The following SLC6A3 variants were observed in gnomAD, a reference collection of about 807,000 sequenced individuals.
SLC6A3 encodes the protein solute carrier family 6 member 3, also known as sodium-dependent dopamine transporter.
A neutral mutation model predicts 70.4 loss-of-function variants in SLC6A3; 19 were observed. The observed-to-expected ratio is 0.27, with a 90% CI of 0.19 to 0.40. The LOEUF is 0.40. SLC6A3 is among the 10% of genes least tolerant of loss of function. The pLI, the probability that SLC6A3 is intolerant of heterozygous loss-of-function variation, is 1.00. For missense variants in SLC6A3, 613 were observed against 838.5 expected (o/e 0.73, Z 3.32); for synonymous variants, 368 against 356.6 (o/e 1.03, Z -0.36).
At position 1,406,459 on chromosome 5, in the gene SLC6A3, C is replaced by T. The variant is rs1392026264; in HGVS notation, c.1499-171G>A. ...AGGCCACACCCCAGCCCACTGGGTG[C>T]CTCGCTGACGGGTGGGAGCCCACGT... On this transcript the variant is annotated intron_variant, in intron 11 of 14. Coordinates refer to ENST00000270349, the MANE Select transcript of SLC6A3 (RefSeq NM_001044.5). The surrounding 1 kb of genome is among the most constrained non-coding windows in gnomAD (Gnocchi z 8.8). Among the ~76,000 whole-genome samples, 2 of 152,178 alleles carry T rather than the reference C, an allele frequency of 1.3e-5. No individual in the cohort carries two copies. Among genetic ancestry groups the T allele is most frequent in the African/African-American group, 2.4e-5 (1 of 41,438 alleles).
chr5:1,407,505 G>A (rs369463795), intron 11 of SLC6A3, among the ~76,000 whole-genome samples: 39 of 152,360 alleles, frequency 2.6e-4, no homozygotes, highest in African/African-American at 8.7e-4. Flanking sequence ...CGTGCTGGAA[G>A]CCCGGCGTAT....
rs776273625 is a variant in SLC6A3, at chr5:1,409,709, G to A, written c.1398+12C>T. 23 of 1,612,880 alleles carry A rather than the reference G, an allele frequency of 1.4e-5. No homozygotes were observed. Among genetic ancestry groups the A allele is most frequent in the African/African-American group, 5.3e-5 (4 of 74,944 alleles). ...ATGACCAGGAGAAGGCGAAGCCGGC[G>A]ATGGTACGTACGTTGGTGACGCAGA... On this transcript the variant is annotated intron_variant, in intron 10 of 14. Coordinates refer to ENST00000270349, the MANE Select transcript of SLC6A3 (RefSeq NM_001044.5).
chr5:1,442,662 C>T lies in SLC6A3; in HGVS notation c.286+250G>A, dbSNP rs1579729025. Among the ~76,000 whole-genome samples the T allele has an allele frequency of 6.6e-6, 1 of 152,204 alleles. No individual in the cohort carries two copies. The highest frequency in any genetic ancestry group is 2.1e-4 in the South Asian group (1 of 4,834). On this transcript the variant is annotated intron_variant, in intron 2 of 14. Transcript: ENST00000270349. The surrounding 1 kb of genome is among the most constrained non-coding windows in gnomAD (Gnocchi z 5.0). ...GCTGCCCCGTCTGCCGCCCCCCACC[C>T]CCCAGCTTCTTCGCGGGCCTCCCTT... is the stretch of plus-strand genomic sequence containing the variant.
rs543086652 is a variant in SLC6A3, at chr5:1,443,365, G to C, written c.-45-123C>G. 3.8e-6 allele frequency: 3 copies of C among 785,574 alleles called. No homozygotes were observed. In the South Asian group the frequency reaches 4.5e-5, roughly 12 times the overall value. The allele number at this position is 785,574 out of a possible 1,614,324, so 48.7% of individuals were successfully genotyped here. A position where few individuals can be genotyped will look rare whatever the true frequency, so the allele number is the denominator to read the frequency against. On this transcript the variant is annotated intron_variant, in intron 1 of 14. Transcript: ENST00000270349. Reference sequence around the variant, plus strand: ...ATTCACGGGCATTCCTCTGGGAAGGGATGGGTGCGTTCTCAGCGCCTGAGA... The same window carrying C: ...ATTCACGGGCATTCCTCTGGGAAGGCATGGGTGCGTTCTCAGCGCCTGAGA...
chr5:1,445,004 G>T (rs1262467623), intron 1 of SLC6A3, among the ~76,000 whole-genome samples: 2 of 152,178 alleles, frequency 1.3e-5, no homozygotes, highest in African/African-American at 4.8e-5. Flanking sequence ...CCCTAGTAGG[G>T]TTAAGTTCCA....
chr5:1,427,495 C>T (rs1223750337), intron 4 of SLC6A3, among the ~76,000 whole-genome samples: 1 of 152,138 alleles, frequency 6.6e-6, no homozygotes, highest in Non-Finnish European at 1.5e-5. Flanking sequence ...AAAAAATTAG[C>T]ACAATGAAAG....
intron 7 of SLC6A3, 90 bp from the exon 8 acceptor site, chr5:1,414,905 G>A (rs938962623): frequency 2.6e-6 from 4 of 1,558,024 alleles, no homozygotes; most frequent in Non-Finnish European, 3.5e-6. Flanking sequence ...CTGTGTCTGG[G>A]GAAGGGGGCG....
chr5:1,411,243 G>A lies in SLC6A3; in HGVS notation c.1269C>T (p.Ala423=), dbSNP rs200757674. 264 of 1,546,412 alleles carry A rather than the reference G, an allele frequency of 1.7e-4. No homozygotes were observed. The highest frequency in any genetic ancestry group is 2.2e-4 in the Non-Finnish European group (255 of 1,143,086). The change falls in exon 9 of 15, where the codon GCC becomes GCT. Residue 423 remains alanine (A), a splice_region_variant and synonymous_variant. Transcript: ENST00000270349. The surrounding 1 kb of genome is among the most constrained non-coding windows in gnomAD (Gnocchi z 6.5). Reference sequence around the variant, plus strand: ...GGGCCGGGCGGTGCGGGTTACTCACGGCGCTGTCGATACCCAGGGTGAGCA... The same window carrying A: ...GGGCCGGGCGGTGCGGGTTACTCACAGCGCTGTCGATACCCAGGGTGAGCA... ...IMLLTLGIDS[A]MGGMESVITG...
At chr5:1,439,810 G>A (rs1313281406) in intron 3 of SLC6A3, among the ~76,000 whole-genome samples, 1 of 152,244 alleles carries the variant, frequency 6.6e-6, no homozygotes, top group Non-Finnish European at 1.5e-5. Context: ...AGGTGGCTTT[G>A]GCCCACTGGG....
In SLC6A3 at chr5:1,421,825, C is replaced by T. The variant is rs771188320; in HGVS notation, c.792+51G>A. 15 of 1,602,180 alleles carry T rather than the reference C, an allele frequency of 9.4e-6. No homozygotes were observed. The South Asian group carries it at 1.4e-4, about 15-fold the overall frequency. On this transcript the variant is annotated intron_variant, in intron 5 of 14. Transcript: ENST00000270349. This position sits in a 1 kb window ranked among gnomAD's most constrained non-coding sequence, Gnocchi z 7.2. The stretch of plus-strand genomic sequence containing the variant: ...TCCTGTCCAGCCACGGCCACATGTC[C>T]ACTTGGTGGCCCCATGTCTACAGGC...
At chr5:1,407,342 G>T (rs1275073759) in intron 11 of SLC6A3, among the ~76,000 whole-genome samples, 1 of 152,020 alleles carries the variant, frequency 6.6e-6, no homozygotes, top group Non-Finnish European at 1.5e-5. Context: ...AGATGGACGT[G>T]GGAGGCAGCG....
In SLC6A3 at chr5:1,411,374, T is replaced by G. The variant is rs1408905651; in HGVS notation, c.1157-19A>C. 1.4e-5 allele frequency: 21 copies of G among 1,531,256 alleles called. No homozygotes were observed. The allele number at this position is 1,531,256 out of a possible 1,614,324, so 94.9% of individuals were successfully genotyped here. On this transcript the variant is annotated intron_variant, in intron 8 of 14. Coordinates refer to ENST00000270349, the MANE Select transcript of SLC6A3 (RefSeq NM_001044.5). This position sits in a 1 kb window ranked among gnomAD's most constrained non-coding sequence, Gnocchi z 6.5. Reference sequence around the variant, plus strand: ...CCTGGCCCTGAAACAGAACCCGCCCTGCTTGCCACAGAGCCCACGCTGTGC... The same window carrying G: ...CCTGGCCCTGAAACAGAACCCGCCCGGCTTGCCACAGAGCCCACGCTGTGC...
chr5:1,409,894 T>G, intron 9 of SLC6A3, 45 bp from the exon 10 acceptor site: 1 of 1,610,608 alleles, frequency 6.2e-7, no homozygotes, highest in Non-Finnish European at 8.5e-7. Flanking sequence ...GCGGCGCTCC[T>G]GACCGCAGCC....
At position 1,421,169 on chromosome 5, in the gene SLC6A3, A is replaced by G. The variant is rs2975290; in HGVS notation, c.793-466T>C. The stretch of plus-strand genomic sequence containing the variant: ...GTCAAAACTGGTTTTGGCCCATATA[A>G]CAACCAAAGTTTTTTTTTTTTTTTT... On this transcript the variant is annotated intron_variant, in intron 5 of 14. Transcript: ENST00000270349. This position sits in a 1 kb window ranked among gnomAD's most constrained non-coding sequence, Gnocchi z 7.2. Among the ~76,000 whole-genome samples, 3,068 of 148,130 alleles carry G rather than the reference A, an allele frequency of 0.021. 107 individuals are homozygous for G. Among genetic ancestry groups the G allele is most frequent in the African/African-American group, 0.071 (2,893 of 40,670 alleles).
rs576584857 is a variant in SLC6A3 at position 1,430,995 on chromosome 5, G to A, written c.653+1469C>T. Among the ~76,000 whole-genome samples the A allele has an allele frequency of 1.1e-4, 16 of 152,364 alleles. No individual in the cohort carries two copies. The East Asian group carries it at 3.1e-3, about 29-fold the overall frequency. On this transcript the variant is annotated intron_variant, in intron 4 of 14. Coordinates refer to ENST00000270349, the MANE Select transcript of SLC6A3 (RefSeq NM_001044.5). ...ACGTGAATAAGATGCGTCTAACCAG[G>A]CAAGCGAGCCCCCCAAACAGGAGCG...
rs747131732 is a variant in SLC6A3 at position 1,406,929 on chromosome 5, A to G, written c.1499-641T>C. On this transcript the variant is annotated intron_variant, in intron 11 of 14. Coordinates refer to ENST00000270349, the MANE Select transcript of SLC6A3 (RefSeq NM_001044.5). The surrounding 1 kb of genome is among the most constrained non-coding windows in gnomAD (Gnocchi z 8.8). Reference sequence around the variant, plus strand: ...TCTGCAACTGGTTTACTCCCTGTAGAGTGTCCCTGAGGCCACCTAAGCTGC... The same window carrying G: ...TCTGCAACTGGTTTACTCCCTGTAGGGTGTCCCTGAGGCCACCTAAGCTGC... Among the ~76,000 whole-genome samples, 31 of 152,280 alleles carry G rather than the reference A, an allele frequency of 2.0e-4. No homozygotes were observed. Among genetic ancestry groups the G allele is most frequent in the Non-Finnish European group, 3.5e-4 (24 of 68,022 alleles).
chr5:1,441,267 T>A, intron 3 of SLC6A3, 92 bp downstream of exon 3: 4 of 1,502,030 alleles, frequency 2.7e-6, no homozygotes, highest in Non-Finnish European at 3.7e-6. Flanking sequence ...CAGGGCTGGA[T>A]GCCCATGATG....
Position 1,408,784 on chromosome 5 carries a change from C to T in SLC6A3, c.1498+242G>A, listed in dbSNP as rs1223962564. 6.6e-6 allele frequency among the ~76,000 whole-genome samples: 1 copy of T among 152,214 alleles called. No individual in the cohort carries two copies. The highest frequency in any genetic ancestry group is 1.5e-5 in the Non-Finnish European group (1 of 68,040). ...TCTAGCGTGGAGGAGGCAGAAGACGCCCAGCCGCTGTGAACACCTCTGACC... is the reference window on the plus strand; with the variant it reads ...TCTAGCGTGGAGGAGGCAGAAGACGTCCAGCCGCTGTGAACACCTCTGACC... On this transcript the variant is annotated intron_variant, in intron 11 of 14. Coordinates refer to ENST00000270349, the MANE Select transcript of SLC6A3 (RefSeq NM_001044.5). This position sits in a 1 kb window ranked among gnomAD's most constrained non-coding sequence, Gnocchi z 6.4.
chr5:1,422,783 C>T (rs1756479051), intron 4 of SLC6A3, among the ~76,000 whole-genome samples: 1 of 86,352 alleles, frequency 1.2e-5, no homozygotes. Flanking sequence ...CCGCTGCCCA[C>T]AGTGCTGCCC....
Sources: allele counts gnomAD v4.1 joint callset (sites outside exome capture counted in the v4.1 genomes callset), GRCh38; gene constraint gnomAD v4.1.1; non-coding constraint Gnocchi (gnomAD v3.1); transcripts MANE v1.5; gene names NCBI Gene and HGNC (gene_info 2026-07-23, HGNC 2026-07-21).